Variants in TMEM37 observed in about 807,000 individuals in gnomAD.
TMEM37 encodes the protein voltage-dependent calcium channel gamma-like subunit.
Under a neutral mutation model 11.0 loss-of-function variants are expected in TMEM37, and 12 were observed. The ratio of observed to expected loss-of-function variants is 1.09; its 90% confidence interval spans 0.70 to 1.76. The LOEUF (loss-of-function observed/expected upper bound fraction) is 1.76. Ranked by LOEUF, TMEM37 falls within the 40% of genes most tolerant of loss-of-function variation. TMEM37 has a pLI of 0.00. For synonymous variants in TMEM37, 127 were observed against 110.5 expected, an observed-to-expected ratio of 1.15 and a Z score of -0.94; for missense variants, 203 against 251.2, an observed-to-expected ratio of 0.81 and a Z score of 1.30.
upstream of TMEM37, among the ~76,000 whole-genome samples, chr2:119,430,743 G>C (rs192421516): frequency 1.1e-4 from 16 of 152,260 alleles, no homozygotes; most frequent in African/African-American, 3.6e-4. Flanking sequence ...ATTTGAGGAT[G>C]GGGGGAGGGA....
rs774921242 is a variant in TMEM37, at chr2:119,437,442, C to T, written c.*2C>T. 171 of 1,608,808 alleles carry T rather than the reference C, an allele frequency of 1.1e-4. No individual in the cohort carries two copies. The highest frequency in any genetic ancestry group is 5.0e-4 in the Middle Eastern group (3 of 6,052). ...AGCATCACCCATCCCTGGGAATGACCGTGGAAATTTTAGGCCCCCTCCAGG... is the reference window on the plus strand; with the variant it reads ...AGCATCACCCATCCCTGGGAATGACTGTGGAAATTTTAGGCCCCCTCCAGG... On this transcript the variant is annotated 3_prime_UTR_variant, in exon 2 of 2. Coordinates refer to ENST00000306406, the MANE Select transcript of TMEM37 (RefSeq NM_183240.3).
chr2:119,429,897 A>C, upstream of TMEM37: 2 of 1,547,266 alleles, frequency 1.3e-6, no homozygotes, highest in Non-Finnish European at 1.7e-6. Flanking sequence ...GCCTGACCAC[A>C]CACGAAACTG....
In TMEM37 at chr2:119,438,331, G is replaced by A. The variant is rs1464859065; in HGVS notation, c.*891G>A. The A allele has an allele frequency of 6.6e-6, 1 of 152,218 alleles. No individual in the cohort carries two copies. Among genetic ancestry groups the A allele is most frequent in the East Asian group, 1.9e-4 (1 of 5,186 alleles). 9.4% of individuals were successfully genotyped at this position (152,218 alleles called of 1,614,324 possible). A position where few individuals can be genotyped will look rare whatever the true frequency, so the allele number is the denominator to read the frequency against. ...TCCCAGAACACATTTCAAAGAGCAC[G>A]TATCTAGACCTGCTGGACTCTGCAG... On this transcript the variant is annotated 3_prime_UTR_variant, in exon 2 of 2. Coordinates refer to ENST00000306406, the MANE Select transcript of TMEM37 (RefSeq NM_183240.3).
Sources: allele counts gnomAD v4.1 joint callset (sites outside exome capture counted in the v4.1 genomes callset), GRCh38; gene constraint gnomAD v4.1.1; transcripts MANE v1.5; gene names NCBI Gene and HGNC (gene_info 2026-07-23, HGNC 2026-07-21).